RRH: variants seen among roughly 807,000 people sequenced by gnomAD.
RRH encodes the protein visual pigment-like receptor peropsin.
Under a neutral mutation model 33.1 loss-of-function variants are expected in RRH, and 36 were observed. The ratio of observed to expected loss-of-function variants is 1.09; its 90% CI spans 0.83 to 1.44. The LOEUF is 1.44. Ranked by LOEUF, RRH falls within the 40% of genes most tolerant of loss-of-function variation. RRH has a pLI of 0.00. For missense variants in RRH, 393 were observed against 420.2 expected (o/e 0.94, Z 0.57); for synonymous variants, 124 against 140.2 (o/e 0.88, Z 0.82).
intron 2 of RRH, among the ~76,000 whole-genome samples, chr4:109,835,114 G>A (rs911989230): frequency 6.6e-5 from 10 of 152,142 alleles, no homozygotes; most frequent in Non-Finnish European, 1.2e-4. Context: ...TCTGTTCATA[G>A]AGTGTTGTAA....
rs149268043 is a variant in RRH at position 109,837,684 on chromosome 4, C to T, written c.720+79C>T. 71 of 1,064,182 alleles carry T rather than the reference C, an allele frequency of 6.7e-5. No individual in the cohort carries two copies. The African/African-American group carries it at 7.2e-4, about 11-fold the overall frequency. The allele number at this position is 1,064,182 out of a possible 1,614,324, so 65.9% of individuals were successfully genotyped here. ...TAGTTGAAAGAGTCCCTGGGACCAC[C>T]GCAGTCTTCTCTCCCTCATCTCCAA... On this transcript the variant is annotated intron_variant, in intron 5 of 6. Transcript: ENST00000317735.
intron 6 of RRH, 74 bp from the exon 7 acceptor site, chr4:109,844,009 A>G (rs1251156600): frequency 1.0e-6 from 1 of 959,624 alleles, no homozygotes; most frequent in African/African-American, 1.6e-5. Flanking sequence ...GTGGCATCTT[A>G]GCCATATTTG....
chr4:109,837,648 T>C (rs746389297), intron 5 of RRH, 43 bp downstream of exon 5: 1 of 1,521,134 alleles, frequency 6.6e-7, no homozygotes, highest in Non-Finnish European at 9.1e-7. Flanking sequence ...CATGGAGCTT[T>C]TACCCACTCA....
chr4:109,835,250 G>T, intron 2 of RRH, 116 bp from the exon 3 acceptor site: 1 of 713,662 alleles, frequency 1.4e-6, no homozygotes, highest in Non-Finnish European at 2.6e-6. Flanking sequence ...GTATTTTAAA[G>T]TAGTAAAGTA....
intron 5 of RRH, among the ~76,000 whole-genome samples, chr4:109,840,087 A>G (rs1371678452): frequency 6.6e-6 from 1 of 152,216 alleles, no homozygotes; most frequent in Non-Finnish European, 1.5e-5. Flanking sequence ...ACTCCCATCA[A>G]GAGTGTAAAA....
chr4:109,833,916 C>A (rs949525416), intron 2 of RRH, among the ~76,000 whole-genome samples: 64 of 152,246 alleles, frequency 4.2e-4, no homozygotes, highest in African/African-American at 1.5e-3. Flanking sequence ...TACTGAATAA[C>A]CACGTAAGTA....
chr4:109,843,714 A>G (rs867255109), intron 6 of RRH, among the ~76,000 whole-genome samples: 1 of 152,236 alleles, frequency 6.6e-6, no homozygotes, highest in Non-Finnish European at 1.5e-5. Context: ...TGTTAGTTCA[A>G]ATAAACAACT....
chr4:109,835,536 C>A, intron 3 of RRH, 71 bp downstream of exon 3: 1 of 1,050,348 alleles, frequency 9.5e-7, no homozygotes, highest in Non-Finnish European at 1.5e-6. Context: ...TATATATACG[C>A]TAAAATATAA....
At position 109,836,049 on chromosome 4, in the gene RRH, G is replaced by C. The variant is rs1733875914; in HGVS notation, c.440G>C (p.Gly147Ala). 6.2e-7 allele frequency: 1 copy of C among 1,614,208 alleles called. No individual in the cohort carries two copies. Among genetic ancestry groups the C allele is most frequent in the Non-Finnish European group, 8.5e-7 (1 of 1,180,018 alleles). The change falls in exon 4 of 7, where the codon GGA becomes GCA. Residue 147 changes from glycine (G) to alanine (A), a missense_variant. Coordinates refer to ENST00000317735, the MANE Select transcript of RRH (RefSeq NM_006583.5). ...AACACTTACATCGGCTTGATTCTGGGAGCCTGGATCAATGGCCTGTTTTGG... is the reference window on the plus strand; with the variant it reads ...AACACTTACATCGGCTTGATTCTGGCAGCCTGGATCAATGGCCTGTTTTGG... ...TTNTYIGLIL[G>A]AWINGLFWAL...
intron 5 of RRH, among the ~76,000 whole-genome samples, chr4:109,837,842 C>CTTGG (rs1553921477): frequency 1.3e-5 from 2 of 151,586 alleles, no homozygotes; most frequent in Non-Finnish European, 2.9e-5. Flanking sequence ...ATGGCACGAT[C>CTTGG]TCGGCTCACT....
At position 109,833,228 on chromosome 4, in the gene RRH, A is replaced by G. The variant is rs759145261; in HGVS notation, c.196A>G (p.Asn66Asp). Residue 66 changes from asparagine (N) to aspartate (D), a missense_variant, in exon 2 of 7, where the codon AAC (asparagine) becomes GAC (aspartate). Coordinates refer to ENST00000317735, the MANE Select transcript of RRH (RefSeq NM_006583.5). The part of the protein sequence containing the change: ...LRTPTNAIII[N>D]LAVTDIGVSS... ...GACACCCACAAATGCAATTATTATT[A>G]ACCTGGCTGTTACTGATATAGGGGT... 16 of 1,613,844 alleles carry G rather than the reference A, an allele frequency of 9.9e-6. No individual in the cohort carries two copies. The South Asian group carries it at 1.1e-4, about 11-fold the overall frequency.
chr4:109,828,378 C>T (rs753882581), intron 1 of RRH, among the ~76,000 whole-genome samples: 9 of 151,994 alleles, frequency 5.9e-5, no homozygotes, highest in Non-Finnish European at 1.3e-4. Context: ...GCCATTGCCA[C>T]AGGTTATTTT....
rs1734040120 is a variant in RRH, at chr4:109,844,273, A to C, written c.*76A>C. On this transcript the variant is annotated 3_prime_UTR_variant, in exon 7 of 7. Coordinates refer to ENST00000317735, the MANE Select transcript of RRH (RefSeq NM_006583.5). ...TTTTCTTTTAAATATGAGCCCATTT[A>C]GATCAAGTGCAGACATGGATCATTG... The C allele has an allele frequency of 3.3e-6, 3 of 902,274 alleles. No individual in the cohort carries two copies. In the Admixed American group the frequency reaches 5.2e-5, roughly 16 times the overall value. 55.9% of individuals were successfully genotyped at this position (902,274 alleles called of 1,614,324 possible). A position where few individuals can be genotyped will look rare whatever the true frequency, so the allele number is the denominator to read the frequency against.
intron 6 of RRH, among the ~76,000 whole-genome samples, chr4:109,843,822 C>T (rs763534810): frequency 1.3e-5 from 2 of 152,100 alleles, no homozygotes; most frequent in Non-Finnish European, 2.9e-5. Context: ...CAAAATTGAC[C>T]TTTAACTGTA....
chr4:109,830,901 A>G (rs183295772), intron 1 of RRH, among the ~76,000 whole-genome samples: 5 of 152,300 alleles, frequency 3.3e-5, no homozygotes, highest in African/African-American at 9.6e-5. Context: ...AAAATGTTTC[A>G]AGAGTGAAGG....
intron 1 of RRH, among the ~76,000 whole-genome samples, chr4:109,828,840 G>A (rs778274199): frequency 2.1e-4 from 32 of 152,002 alleles, no homozygotes; most frequent in African/African-American, 3.9e-4. Context: ...TTGTTATAAG[G>A]AGTAAAATTA....
rs765370015 is a variant in RRH at position 109,844,047 on chromosome 4, A to G, written c.900-36A>G. On this transcript the variant is annotated intron_variant, in intron 6 of 6. Coordinates refer to ENST00000317735, the MANE Select transcript of RRH (RefSeq NM_006583.5). ...AATGCTTTAGAAGTTCCAAATCATT[A>G]TGGGTTAATGCCAGATTTTCCTTTT... The G allele has an allele frequency of 1.2e-5, 16 of 1,337,426 alleles. No individual in the cohort carries two copies. The South Asian group carries it at 1.3e-4, about 11-fold the overall frequency. 82.8% of individuals were successfully genotyped at this position (1,337,426 alleles called of 1,614,324 possible).
At chr4:109,832,495 A>AGTGT (rs36127904) in intron 1 of RRH, among the ~76,000 whole-genome samples, 14,988 of 135,060 alleles carry the variant, frequency 0.11, 960 homozygotes, top group Admixed American at 0.2. Context: ...CTATTGGGGT[A>AGTGT]GTGTGTGTGT....
In RRH at chr4:109,833,398, C is replaced by G. The variant is rs146502291; in HGVS notation, c.297+69C>G. On this transcript the variant is annotated intron_variant, in intron 2 of 6. Transcript: ENST00000317735. ...TAAATGTAAATTTAAATGTCTAAAACGAATCCCAAGAGTTTAAATTGAATA... is the reference window on the plus strand; with the variant it reads ...TAAATGTAAATTTAAATGTCTAAAAGGAATCCCAAGAGTTTAAATTGAATA... 3 of 1,256,536 alleles carry G rather than the reference C, an allele frequency of 2.4e-6. No individual in the cohort carries two copies. In the East Asian group the frequency reaches 7.5e-5, roughly 31 times the overall value. 77.8% of individuals were successfully genotyped at this position (1,256,536 alleles called of 1,614,324 possible). A position where few individuals can be genotyped will look rare whatever the true frequency, so the allele number is the denominator to read the frequency against.
Sources: allele counts gnomAD v4.1 joint callset (sites outside exome capture counted in the v4.1 genomes callset), GRCh38; gene constraint gnomAD v4.1.1; transcripts MANE v1.5; gene names NCBI Gene and HGNC (gene_info 2026-07-23, HGNC 2026-07-21).